EIF3F: variants seen among roughly 807,000 people sequenced by gnomAD.
EIF3F encodes the protein deubiquitinating enzyme eIF3f.
EIF3F carries 8 observed loss-of-function variants against 36.0 expected under a neutral mutation model. That is an observed-to-expected ratio of 0.22 (90% CI 0.13 to 0.40). The LOEUF is 0.40. Among genes scored for constraint, EIF3F ranks in the 10% least tolerant of loss-of-function variants. EIF3F has a pLI of 1.00. For synonymous variants in EIF3F, 184 were observed against 188.5 expected (o/e 0.98, Z 0.19); for missense variants, 430 against 467.6 (o/e 0.92, Z 0.74).
In EIF3F at chr11:7,991,875, C is replaced by T. The variant is rs765882254; in HGVS notation, c.435+24C>T. 1.9e-6 allele frequency: 3 copies of T among 1,613,838 alleles called. No individual in the cohort carries two copies. In the African/African-American group the frequency reaches 4.0e-5, roughly 22 times the overall value. ...AAGTGAGTGGGAATCCAAGCTGTCC[C>T]TCTGCAGTTTTTAGCTGTTCATTTG... On this transcript the variant is annotated intron_variant, in intron 2 of 7. Coordinates refer to ENST00000651655, the MANE Select transcript of EIF3F (RefSeq NM_003754.3).
chr11:7,992,612 C>T, intron 3 of EIF3F: 1 of 496,540 alleles, frequency 2.0e-6, no homozygotes, highest in Non-Finnish European at 3.6e-6. Context: ...CCTGTAGGAA[C>T]TGTGAATTCA....
At position 7,990,006 on chromosome 11, in the gene EIF3F, T is replaced by C. The variant is rs546982435; in HGVS notation, c.365-1775T>C. Among the ~76,000 whole-genome samples the C allele has an allele frequency of 7.9e-5, 12 of 152,330 alleles. No individual in the cohort carries two copies. In the South Asian group the frequency reaches 1.4e-3, roughly 18 times the overall value. The stretch of plus-strand genomic sequence containing the variant: ...CTCATTTGAAGCTCTTTGGGGAAGC[T>C]CCTGAGCATTTCAGCTAACACTGAA... On this transcript the variant is annotated intron_variant, in intron 1 of 7. Coordinates refer to ENST00000651655, the MANE Select transcript of EIF3F (RefSeq NM_003754.3).
chr11:7,996,582 T>A lies in EIF3F; in HGVS notation c.*560T>A, dbSNP rs1414403795. 6.5e-6 allele frequency: 1 copy of A among 152,828 alleles called. No individual in the cohort carries two copies. The highest frequency in any genetic ancestry group is 2.1e-4 in the South Asian group (1 of 4,866). The allele number at this position is 152,828 out of a possible 1,614,324, so 9.5% of individuals were successfully genotyped here. The stretch of plus-strand genomic sequence containing the variant: ...TTTCCCCAAAACTTCAGAAAATTCT[T>A]AGGTGCTATCTGTAACTCGAGGATA... On this transcript the variant is annotated 3_prime_UTR_variant, in exon 8 of 8. Coordinates refer to ENST00000651655, the MANE Select transcript of EIF3F (RefSeq NM_003754.3).
rs1942183616 is a variant in EIF3F at position 7,998,206 on chromosome 11, G to A, written c.*2184G>A. ...TTATTCCCAAGGGAAATACAGGGTT[G>A]GGTTCCTATGAACCTCTGGGCACAG... On this transcript the variant is annotated 3_prime_UTR_variant, in exon 8 of 8. Coordinates refer to ENST00000651655, the MANE Select transcript of EIF3F (RefSeq NM_003754.3). 6.6e-6 allele frequency: 1 copy of A among 152,188 alleles called. No individual in the cohort carries two copies. Among genetic ancestry groups the A allele is most frequent in the Non-Finnish European group, 1.5e-5 (1 of 68,040 alleles). 9.4% of individuals were successfully genotyped at this position (152,188 alleles called of 1,614,324 possible).
intron 1 of EIF3F, 129 bp downstream of exon 1, chr11:7,987,845 A>T: frequency 2.3e-6 from 3 of 1,297,182 alleles, no homozygotes; most frequent in Non-Finnish European, 3.0e-6. Flanking sequence ...ATGACCTCTT[A>T]ATCTATATCT....
chr11:7,993,229 A>G (rs923676529), intron 4 of EIF3F, among the ~76,000 whole-genome samples: 5 of 152,204 alleles, frequency 3.3e-5, no homozygotes, highest in African/African-American at 4.8e-5. Flanking sequence ...GTTGTACTCC[A>G]GTTTCTACTC....
intron 4 of EIF3F, among the ~76,000 whole-genome samples, chr11:7,994,032 G>C (rs1942131907): frequency 6.6e-6 from 1 of 152,132 alleles, no homozygotes; most frequent in Non-Finnish European, 1.5e-5. Flanking sequence ...GCAGGAGTTG[G>C]TTTCCTTTTT....
chr11:7,992,783 C>T (rs1211374081), intron 3 of EIF3F, 104 bp from the exon 4 acceptor site: 6 of 1,464,688 alleles, frequency 4.1e-6, no homozygotes, highest in South Asian at 2.4e-5. Flanking sequence ...ACTAGGTGTC[C>T]TACCGTAGAA....
At chr11:7,991,927 C>T in intron 2 of EIF3F, 76 bp downstream of exon 2, 1 of 1,554,442 alleles carries the variant, frequency 6.4e-7, no homozygotes, top group Non-Finnish European at 8.8e-7. Flanking sequence ...GTCCCTCCCA[C>T]ACTCATAACT....
chr11:7,990,895 AT>A (rs879824937), intron 1 of EIF3F, among the ~76,000 whole-genome samples: 1,983 of 149,038 alleles, frequency 0.013, 32 homozygotes, highest in Non-Finnish European at 0.018. Context: ...AAATAAATAA[AT>A]AAATAAAAGA....
Position 7,992,177 on chromosome 11 carries a change from G to T in EIF3F, c.515+14G>T, listed in dbSNP as rs1432427136. 1 of 1,606,416 alleles carries T rather than the reference G, an allele frequency of 6.2e-7. No individual in the cohort carries two copies. The highest frequency in any genetic ancestry group is 2.2e-5 in the East Asian group (1 of 44,872). On this transcript the variant is annotated intron_variant, in intron 3 of 7. Transcript: ENST00000651655. The stretch of plus-strand genomic sequence containing the variant: ...CATCCTGGGCTGGTAAGTTGGGGAG[G>T]TGGGGGCTGGGGTTAATGGAAGGTC...
chr11:7,989,444 A>G (rs1364498056), intron 1 of EIF3F, among the ~76,000 whole-genome samples: 1 of 152,230 alleles, frequency 6.6e-6, no homozygotes, highest in Non-Finnish European at 1.5e-5. Context: ...TATAGAGGCA[A>G]TACTTACAGA....
intron 1 of EIF3F, among the ~76,000 whole-genome samples, chr11:7,988,933 TTATC>T (rs1429903987): frequency 6.6e-6 from 1 of 152,246 alleles, no homozygotes; most frequent in Non-Finnish European, 1.5e-5. Context: ...TTTCTCTCCT[TTATC>T]TATCTTTGAC....
In EIF3F at chr11:7,995,287, C is replaced by T; in HGVS notation, c.916C>T (p.Arg306Cys). 11 of 1,614,080 alleles carry T rather than the reference C, an allele frequency of 6.8e-6. No homozygotes were observed. The highest frequency in any genetic ancestry group is 1.1e-5 in the South Asian group (1 of 91,066). The change falls in exon 7 of 8, where the codon CGC becomes TGC. Residue 306 changes from arginine (R) to cysteine (C), a missense_variant. By Grantham distance (180) the Arg-to-Cys change is radical (BLOSUM62 -3). This residue lies in a region of EIF3F where 262 missense variants were observed against 347.4 expected (regional missense o/e 0.75). Transcript: ENST00000651655. ...GGTGTCAGCTGACAATACTGTGGGC[C>T]GCTTCCTGATGAGCCTGGTTAACCA... ...GKVSADNTVG[R>C]FLMSLVNQVP...
At chr11:7,993,237 C>T (rs1942118660) in intron 4 of EIF3F, among the ~76,000 whole-genome samples, 1 of 152,204 alleles carries the variant, frequency 6.6e-6, no homozygotes, top group Admixed American at 6.5e-5. Flanking sequence ...CCAGTTTCTA[C>T]TCATTGCCCT....
chr11:8,001,205 TC>T lies in EIF3F; in HGVS notation c.*5184del, dbSNP rs1942216753. 6.6e-6 allele frequency: 1 copy of T among 152,218 alleles called. No individual in the cohort carries two copies. Among genetic ancestry groups the T allele is most frequent in the African/African-American group, 2.4e-5 (1 of 41,444 alleles). The allele number at this position is 152,218 out of a possible 1,614,324, so 9.4% of individuals were successfully genotyped here. A position where few individuals can be genotyped will look rare whatever the true frequency, so the allele number is the denominator to read the frequency against. On this transcript the variant is annotated 3_prime_UTR_variant, in exon 8 of 8. Transcript: ENST00000651655. ...ACGATGTCATTTTTAAAAATCAGATTCGCAAATTTTAAAAGTTGCTAACACT... is the reference window on the plus strand; with the variant it reads ...ACGATGTCATTTTTAAAAATCAGATTGCAAATTTTAAAAGTTGCTAACACT...
In EIF3F at chr11:7,999,172, A is replaced by T. The variant is rs1942193337; in HGVS notation, c.*3150A>T. On this transcript the variant is annotated 3_prime_UTR_variant, in exon 8 of 8. Transcript: ENST00000651655. ...GTAGTCCCAGCTACTTGGGAAGCTG[A>T]GGCAGGAGAATCTCGAACCCAGGAG... 6.6e-6 allele frequency: 1 copy of T among 152,254 alleles called. No individual in the cohort carries two copies. The highest frequency in any genetic ancestry group is 2.4e-5 in the African/African-American group (1 of 41,452). The allele number at this position is 152,254 out of a possible 1,614,324, so 9.4% of individuals were successfully genotyped here. A position where few individuals can be genotyped will look rare whatever the true frequency, so the allele number is the denominator to read the frequency against.
rs1170536270 is a variant in EIF3F, at chr11:7,997,809, A to G, written c.*1787A>G. ...GGGTTCCACATCTATGGACTCAACC[A>G]ACTACAGGTTGAAAATATTGAGGGG... is the stretch of plus-strand genomic sequence containing the variant. On this transcript the variant is annotated 3_prime_UTR_variant, in exon 8 of 8. Transcript: ENST00000651655. The G allele has an allele frequency of 6.6e-6, 1 of 152,342 alleles. No homozygotes were observed. Among genetic ancestry groups the G allele is most frequent in the South Asian group, 2.1e-4 (1 of 4,830 alleles). The allele number at this position is 152,342 out of a possible 1,614,324, so 9.4% of individuals were successfully genotyped here.
intron 7 of EIF3F, 95 bp from the exon 8 acceptor site, chr11:7,995,850 T>C (rs144013724): frequency 1.4e-5 from 13 of 940,360 alleles, no homozygotes; most frequent in Non-Finnish European, 2.3e-5. Context: ...ACAGCTGTCC[T>C]CATACCCAGT....
Sources: allele counts gnomAD v4.1 joint callset (sites outside exome capture counted in the v4.1 genomes callset), GRCh38; gene constraint gnomAD v4.1.1; regional missense constraint gnomAD v4.1.1; transcripts MANE v1.5; gene names NCBI Gene and HGNC (gene_info 2026-07-23, HGNC 2026-07-21).